The following E2F7 variants were observed in gnomAD, a reference collection of about 807,000 sequenced individuals.
The protein encoded by E2F7 is E2F transcription factor 7.
In E2F7, 35 loss-of-function variants were observed where a neutral mutation model predicts 81.1. That is an observed-to-expected ratio of 0.43 (90% CI 0.33 to 0.57). The LOEUF is 0.57. Ranked by LOEUF, E2F7 falls within the 20% of genes least tolerant of loss-of-function variation. The probability of loss-of-function intolerance (pLI) is 0.04; values close to 1 mark genes in which losing one functional copy is unlikely to be tolerated. For missense variants in E2F7, 961 were observed against 1,093.7 expected (o/e 0.88, Z 1.71); for synonymous variants, 416 against 416.2 (o/e 1.00, Z 0.01).
chr12:77,050,600 G>A lies in E2F7; in HGVS notation c.514C>T (p.Leu172=). The change falls in exon 4 of 13, where the codon CTA becomes TTA. Residue 172 remains leucine (L), a synonymous_variant. Coordinates refer to ENST00000322886, the MANE Select transcript of E2F7 (RefSeq NM_203394.3). ...CCAAGACTGACAGCAACTTCATCTA[G>A]GGAGATGGTAGTTTTCTCAGTTGAC... The part of the protein sequence containing the change: ...PLSTEKTTIS[L]DEVAVSLGVE... 6.2e-7 allele frequency: 1 copy of A among 1,613,984 alleles called. No homozygotes were observed. Among genetic ancestry groups the A allele is most frequent in the South Asian group, 1.1e-5 (1 of 91,074 alleles).
intron 4 of E2F7, 148 bp from the exon 5 acceptor site, chr12:77,046,476 TAAGGATGC>T (rs1162396966): frequency 1.2e-6 from 1 of 812,854 alleles, no homozygotes; most frequent in Non-Finnish European, 1.9e-6. Flanking sequence ...ATTCAACCTG[TAAGGATGC>T]AAGCAATATA....
intron 9 of E2F7, among the ~76,000 whole-genome samples, chr12:77,031,573 G>A (rs12423871): frequency 0.07 from 10,645 of 151,902 alleles, 455 homozygotes; most frequent in Admixed American, 0.11. Context: ...CCCGGGAGGC[G>A]GAGGTTGCAG....
At chr12:77,028,356 T>C (rs543202572) in intron 10 of E2F7, among the ~76,000 whole-genome samples, 1 of 151,900 alleles carries the variant, frequency 6.6e-6, no homozygotes, top group South Asian at 2.1e-4. Context: ...CATGCCTGGC[T>C]AATTTTTGTA....
intron 7 of E2F7, among the ~76,000 whole-genome samples, chr12:77,040,686 G>A (rs1399701548): frequency 2.0e-5 from 3 of 152,180 alleles, no homozygotes; most frequent in Non-Finnish European, 4.4e-5. Context: ...TCTGGGGATG[G>A]GAGTGGGGAC....
intron 2 of E2F7, among the ~76,000 whole-genome samples, chr12:77,062,715 G>C (rs1308955405): frequency 6.6e-6 from 1 of 152,138 alleles, no homozygotes; most frequent in Non-Finnish European, 1.5e-5. Context: ...CCCAGAGGAA[G>C]AGAAGTAAAG....
At position 77,023,056 on chromosome 12, in the gene E2F7, C is replaced by T. The variant is rs1954726880; in HGVS notation, c.*959G>A. ...CAACGAAAAGGTCTCATCCAGGTTC[C>T]AATTTTCCATATAATCACTTTCTAC... On this transcript the variant is annotated 3_prime_UTR_variant, in exon 13 of 13. Coordinates refer to ENST00000322886, the MANE Select transcript of E2F7 (RefSeq NM_203394.3). 6.6e-6 allele frequency: 1 copy of T among 152,322 alleles called. No individual in the cohort carries two copies. Among genetic ancestry groups the T allele is most frequent in the Non-Finnish European group, 1.5e-5 (1 of 68,034 alleles). 9.4% of individuals were successfully genotyped at this position (152,322 alleles called of 1,614,324 possible).
rs74452701 is a variant in E2F7, at chr12:77,049,850, C to T, written c.538+726G>A. 1.7e-4 allele frequency among the ~76,000 whole-genome samples: 26 copies of T among 152,160 alleles called. No homozygotes were observed. In the East Asian group the frequency reaches 4.2e-3, roughly 25 times the overall value. On this transcript the variant is annotated intron_variant, in intron 4 of 12. Coordinates refer to ENST00000322886, the MANE Select transcript of E2F7 (RefSeq NM_203394.3). ...TTTTCTTTTTTGTGTGTATGTAAAA[C>T]CTTCCTATTTTTAAGGGGACACCCT...
At chr12:77,036,177 C>T (rs191928316) in intron 7 of E2F7, among the ~76,000 whole-genome samples, 19 of 152,116 alleles carry the variant, frequency 1.2e-4, no homozygotes, top group African/African-American at 4.1e-4. Flanking sequence ...ATCCAAGAAA[C>T]GCAACAAAAC....
Position 77,046,066 on chromosome 12 carries a change from C to T in E2F7, c.801G>A (p.Leu267=). 1 of 1,614,108 alleles carries T rather than the reference C, an allele frequency of 6.2e-7. No individual in the cohort carries two copies. Among genetic ancestry groups the T allele is most frequent in the Non-Finnish European group, 8.5e-7 (1 of 1,180,002 alleles). The stretch of plus-strand genomic sequence containing the variant: ...AGGGACAGTCGGGTTCAGAGAAATC[C>T]AGTAACTGTTGTTCCTGGGAATCTG... The part of the protein sequence containing the change: ...GDPDSQEQQL[L]DFSEPDCPSS... The change falls in exon 5 of 13, where the codon CTG becomes CTA. Residue 267 remains leucine, a synonymous_variant. Coordinates refer to ENST00000322886, the MANE Select transcript of E2F7 (RefSeq NM_203394.3).
At chr12:77,024,289 G>A (rs1158510628) in intron 12 of E2F7, 104 bp from the exon 13 acceptor site, 1 of 1,277,222 alleles carries the variant, frequency 7.8e-7, no homozygotes, top group Non-Finnish European at 1.1e-6. Flanking sequence ...TCCCAAGGCA[G>A]GCGTTCCTTC....
intron 8 of E2F7, 29 bp from the exon 9 acceptor site, chr12:77,033,151 T>C (rs1449168474): frequency 6.2e-6 from 10 of 1,600,538 alleles, no homozygotes; most frequent in Non-Finnish European, 7.7e-6. Flanking sequence ...GCTTAACAAA[T>C]ATAGCAAGAG....
At chr12:77,042,949 A>AT in intron 7 of E2F7, 116 bp downstream of exon 7, 1 of 1,513,248 alleles carries the variant, frequency 6.6e-7, no homozygotes, top group Non-Finnish European at 9.0e-7. Flanking sequence ...TCACTAGTCT[A>AT]TTTTGTATGT....
chr12:77,040,167 T>C lies in E2F7; in HGVS notation c.1123+2898A>G, dbSNP rs141529553. 8.0e-4 allele frequency among the ~76,000 whole-genome samples: 122 copies of C among 152,320 alleles called. 1 individual carries two copies. The highest frequency in any genetic ancestry group is 1.5e-3 in the Non-Finnish European group (101 of 68,016). On this transcript the variant is annotated intron_variant, in intron 7 of 12. Coordinates refer to ENST00000322886, the MANE Select transcript of E2F7 (RefSeq NM_203394.3). ...ATGACCTTGTTTATGTGTGTTTCTT[T>C]TTAAAGAAACCTTGTTTAATATTTG...
chr12:77,051,027 T>C (rs1231653262), intron 3 of E2F7, among the ~76,000 whole-genome samples: 3 of 152,150 alleles, frequency 2.0e-5, no homozygotes, highest in African/African-American at 4.8e-5. Context: ...TAGCTACTAG[T>C]GCGCTCGCTA....
intron 3 of E2F7, 56 bp downstream of exon 3, chr12:77,055,799 A>T (rs1375796160): frequency 6.6e-7 from 1 of 1,516,972 alleles, no homozygotes; most frequent in South Asian, 1.4e-5. Flanking sequence ...ATTTTTTAAT[A>T]ATCAAGTAAA....
chr12:77,050,509 C>A, intron 4 of E2F7, 67 bp downstream of exon 4: 1 of 1,564,054 alleles, frequency 6.4e-7, no homozygotes, highest in Middle Eastern at 1.7e-4. Context: ...AGCCTTCAGC[C>A]TGCCCAAGGA....
chr12:77,056,238 T>A, intron 2 of E2F7, 108 bp from the exon 3 acceptor site: 1 of 1,163,980 alleles, frequency 8.6e-7, no homozygotes, highest in Non-Finnish European at 1.2e-6. Context: ...AATAGGACCA[T>A]ATGTTTAGGG....
chr12:77,024,977 CATT>C (rs1263896555), intron 12 of E2F7, among the ~76,000 whole-genome samples: 2 of 152,028 alleles, frequency 1.3e-5, no homozygotes, highest in African/African-American at 4.8e-5. Flanking sequence ...AATATAGACT[CATT>C]AACTTATATT....
chr12:77,030,004 AC>A lies in E2F7; in HGVS notation c.1710del (p.Ser571GlnfsTer14). On this transcript the variant is annotated frameshift_variant, in exon 10 of 13. Transcript: ENST00000322886. LOFTEE classifies it high-confidence loss of function. ...TCTGAGCTTCTGTCATCCCTCTCTG[AC>A]CCTGACCCTGACGCTGGTCCCTCCT... ...SLQEGPASGS[G>X]SERDDRSSEA... 1 of 1,614,058 alleles carries A rather than the reference AC, an allele frequency of 6.2e-7. No individual in the cohort carries two copies. Among genetic ancestry groups the A allele is most frequent in the Non-Finnish European group, 8.5e-7 (1 of 1,180,022 alleles).
Sources: gnomAD v4.1 joint callset for allele counts (sites outside exome capture counted in the v4.1 genomes callset) on GRCh38, gnomAD v4.1.1 for gene constraint, MANE v1.5 for transcripts, NCBI Gene and HGNC (gene_info 2026-07-23, HGNC 2026-07-21) for gene names.